CCDC158: variants seen among roughly 807,000 people sequenced by gnomAD.
CCDC158 encodes the protein coiled-coil domain-containing protein 158.
CCDC158 carries 116 observed loss-of-function variants against 138.6 expected under a neutral mutation model. The ratio of observed to expected loss-of-function variants is 0.84; its 90% CI spans 0.72 to 0.98. The LOEUF is 0.98. Ranked by LOEUF, CCDC158 falls within the 50% of genes least tolerant of loss-of-function variation. The probability of loss-of-function intolerance (pLI) is 0.00; values close to 1 mark genes in which losing one functional copy is unlikely to be tolerated. For missense variants in CCDC158, 1,265 were observed against 1,306.1 expected, an observed-to-expected ratio of 0.97 and a Z score of 0.48; for synonymous variants, 436 against 442.4, an observed-to-expected ratio of 0.99 and a Z score of 0.18.
chr4:76,419,231 T>C (rs1233215231), intron 1 of CCDC158, among the ~76,000 whole-genome samples: 1 of 152,132 alleles, frequency 6.6e-6, no homozygotes, highest in Non-Finnish European at 1.5e-5. Context: ...CTTACCAAAT[T>C]CCCTATTCAA....
Position 76,323,350 on chromosome 4 carries a change from G to A in CCDC158, c.3229C>T (p.Leu1077=), listed in dbSNP as rs1433727972. 6.2e-7 allele frequency: 1 copy of A among 1,613,070 alleles called. No homozygotes were observed. Among genetic ancestry groups the A allele is most frequent in the Non-Finnish European group, 8.5e-7 (1 of 1,179,602 alleles). ...TCTACCAGAGTTTGCAAGCTTTCTA[G>A]TCTGTTCTGAAGCTTCCTGCATGTT... ...GKTCRKLQNR[L]ESLQTLVEDL... Residue 1077 remains leucine, a synonymous_variant, in exon 24 of 25, where the codon CTA becomes TTA. Coordinates refer to ENST00000682701, the MANE Select transcript of CCDC158 (RefSeq NM_001394954.1).
intron 1 of CCDC158, among the ~76,000 whole-genome samples, chr4:76,419,959 A>G (rs534385843): frequency 5.3e-4 from 78 of 148,066 alleles, no homozygotes; most frequent in South Asian, 1.1e-3. Context: ...AGATAAAACT[A>G]AGTCCTCATT....
chr4:76,355,798 C>CGTGT (rs71212417), intron 14 of CCDC158, among the ~76,000 whole-genome samples: 73,734 of 145,344 alleles, frequency 0.51, 18,887 homozygotes, highest in Admixed American at 0.63. Flanking sequence ...AATATATGTA[C>CGTGT]GTGTGTGTGT....
In CCDC158 at chr4:76,421,079, C is replaced by T. The variant is rs1403664531; in HGVS notation, c.-231G>A. On this transcript the variant is annotated 5_prime_UTR_variant, in exon 1 of 25. Coordinates refer to ENST00000682701, the MANE Select transcript of CCDC158 (RefSeq NM_001394954.1). ...TGGGACGGGGCGGCTCCCCACTCTT[C>T]GCCCCTAGGCCCCGCGGAGGCTGCG... 1.3e-5 allele frequency among the ~76,000 whole-genome samples: 2 copies of T among 152,040 alleles called. No individual in the cohort carries two copies. The highest frequency in any genetic ancestry group is 4.8e-5 in the African/African-American group (2 of 41,432).
chr4:76,340,730 A>C (rs1156980792), intron 18 of CCDC158, among the ~76,000 whole-genome samples: 5 of 152,080 alleles, frequency 3.3e-5, no homozygotes, highest in Non-Finnish European at 7.4e-5. Context: ...CTGATTCCAC[A>C]ATATGGTGAG....
At chr4:76,345,135 C>T in intron 18 of CCDC158, 3 of 1,112,510 alleles carry the variant, frequency 2.7e-6, no homozygotes, top group Non-Finnish European at 4.1e-6. Flanking sequence ...CTTACATTGC[C>T]TGGCTTTAGA....
intron 18 of CCDC158, among the ~76,000 whole-genome samples, chr4:76,341,670 T>C (rs1362081231): frequency 2.6e-5 from 4 of 152,250 alleles, no homozygotes; most frequent in Non-Finnish European, 5.9e-5. Context: ...AATGCTCCTA[T>C]ATCAAACTAT....
intron 2 of CCDC158, 23 bp from the exon 3 acceptor site, chr4:76,403,303 C>G (rs901974268): frequency 1.7e-5 from 13 of 776,138 alleles, no homozygotes; most frequent in Non-Finnish European, 2.6e-5. Context: ...GAGATTCAAT[C>G]TTTATTAACA....
intron 18 of CCDC158, chr4:76,344,713 T>C: frequency 6.2e-7 from 1 of 1,613,992 alleles, no homozygotes; most frequent in Non-Finnish European, 8.5e-7. Flanking sequence ...CATGAAGACT[T>C]TGTGTGGCTA....
chr4:76,349,938 G>T (rs947371584), intron 18 of CCDC158, among the ~76,000 whole-genome samples: 4 of 152,070 alleles, frequency 2.6e-5, no homozygotes, highest in Non-Finnish European at 4.4e-5. Flanking sequence ...TAACTGACTC[G>T]CCCAAGGTCA....
At chr4:76,415,607 G>A (rs1049984282) in intron 1 of CCDC158, among the ~76,000 whole-genome samples, 7 of 151,922 alleles carry the variant, frequency 4.6e-5, no homozygotes, top group Non-Finnish European at 1.0e-4. Flanking sequence ...TTAGCTTGTA[G>A]CAATTATTCT....
chr4:76,315,160 C>T lies in CCDC158; in HGVS notation c.3278-1914G>A, dbSNP rs1017009294. 5.9e-5 allele frequency among the ~76,000 whole-genome samples: 9 copies of T among 152,284 alleles called. No homozygotes were observed. In the East Asian group the frequency reaches 1.7e-3, roughly 29 times the overall value. ...AGGTAAGGCCTATCACACAGGCTTT[C>T]CCCAACTTCCTTGGCAACAGAGGCA... On this transcript the variant is annotated intron_variant, in intron 24 of 24. Coordinates refer to ENST00000682701, the MANE Select transcript of CCDC158 (RefSeq NM_001394954.1).
At chr4:76,418,567 G>A (rs1459068826) in intron 1 of CCDC158, among the ~76,000 whole-genome samples, 2 of 152,178 alleles carry the variant, frequency 1.3e-5, no homozygotes, top group African/African-American at 4.8e-5. Flanking sequence ...TCACATGGCT[G>A]GGGAGGCCTC....
At chr4:76,409,572 C>G (rs1579108193) in intron 2 of CCDC158, among the ~76,000 whole-genome samples, 1 of 152,288 alleles carries the variant, frequency 6.6e-6, no homozygotes, top group East Asian at 1.9e-4. Context: ...TGGCTTACAC[C>G]TGTAATCCCA....
chr4:76,369,730 T>C, intron 10 of CCDC158, 107 bp from the exon 11 acceptor site: 1 of 925,640 alleles, frequency 1.1e-6, no homozygotes, highest in Non-Finnish European at 1.6e-6. Flanking sequence ...TCAGACACCT[T>C]TGATTTTGGA....
At chr4:76,314,045 A>C (rs1413932602) in intron 24 of CCDC158, among the ~76,000 whole-genome samples, 1 of 151,894 alleles carries the variant, frequency 6.6e-6, no homozygotes, top group Non-Finnish European at 1.5e-5. Flanking sequence ...ACTTCTGTGC[A>C]TTTGTACAAT....
intron 18 of CCDC158, chr4:76,345,504 A>G (rs1268026616): frequency 3.6e-5 from 33 of 926,416 alleles, no homozygotes; most frequent in Non-Finnish European, 5.4e-5. Context: ...AAAGATTCTC[A>G]TTGAAATGTC....
chr4:76,350,652 T>G (rs1028956359), intron 18 of CCDC158, among the ~76,000 whole-genome samples: 1 of 152,168 alleles, frequency 6.6e-6, no homozygotes, highest in African/African-American at 2.4e-5. Flanking sequence ...AAACCACATA[T>G]AGCAAATAAT....
Position 76,355,454 on chromosome 4 carries a change from G to A in CCDC158, c.2174-18C>T, listed in dbSNP as rs1486198411. On this transcript the variant is annotated intron_variant, in intron 14 of 24. Transcript: ENST00000682701. Reference sequence around the variant, plus strand: ...TTTCATAGCTGGAAAAAAAAAAGAGGCAAACTATGCCTTAGGTTCTTAAGT... The same window carrying A: ...TTTCATAGCTGGAAAAAAAAAAGAGACAAACTATGCCTTAGGTTCTTAAGT... 2.0e-6 allele frequency: 3 copies of A among 1,494,242 alleles called. No individual in the cohort carries two copies. The highest frequency in any genetic ancestry group is 9.3e-7 in the Non-Finnish European group (1 of 1,073,146). The allele number at this position is 1,494,242 out of a possible 1,614,324, so 92.6% of individuals were successfully genotyped here.
Sources: gnomAD v4.1 joint callset for allele counts (sites outside exome capture counted in the v4.1 genomes callset) on GRCh38, gnomAD v4.1.1 for gene constraint, MANE v1.5 for transcripts, NCBI Gene and HGNC (gene_info 2026-07-23, HGNC 2026-07-21) for gene names.